The following FCER1A variants were observed in gnomAD, a reference collection of about 807,000 sequenced individuals.
FCER1A encodes the protein Fc epsilon receptor Ia.
FCER1A carries 24 observed loss-of-function variants against 23.6 expected under a neutral mutation model. The ratio of observed to expected loss-of-function variants is 1.02; its 90% CI spans 0.74 to 1.43. The LOEUF is 1.43. Among genes scored for constraint, FCER1A ranks in the 40% most tolerant of loss-of-function variants. The pLI is 0.00. For missense variants in FCER1A, 318 were observed against 294.5 expected, an observed-to-expected ratio of 1.08 and a Z score of -0.58; for synonymous variants, 121 against 108.8, an observed-to-expected ratio of 1.11 and a Z score of -0.70.
At chr1:159,288,584 T>G (rs958609017), upstream of FCER1A, among the ~76,000 whole-genome samples, 1 of 152,202 alleles carries the variant, frequency 6.6e-6, no homozygotes, top group Non-Finnish European at 1.5e-5. Context: ...TAACCTGGGT[T>G]ATCAACAGAG....
Position 159,307,828 on chromosome 1 carries a change from A to T in FCER1A, c.670A>T (p.Ile224Phe). The change falls in exon 5 of 5, where the codon ATC becomes TTC. Residue 224 changes from isoleucine (I) to phenylalanine (F), a missense_variant. Physicochemically the swap from Ile to Phe is conservative, Grantham distance 21 (BLOSUM62 0). Transcript: ENST00000693622. ...GTTTGCTGTGGACACAGGATTATTTATCTCAACTCAGCAGCAGGTCACATT... is the reference window on the plus strand; with the variant it reads ...GTTTGCTGTGGACACAGGATTATTTTTCTCAACTCAGCAGCAGGTCACATT... ...ILFAVDTGLFISTQQQVTFLL... is the reference protein window; with the variant it reads ...ILFAVDTGLFFSTQQQVTFLL... 6.2e-7 allele frequency: 1 copy of T among 1,613,382 alleles called. No homozygotes were observed. Among genetic ancestry groups the T allele is most frequent in the Non-Finnish European group, 8.5e-7 (1 of 1,179,372 alleles).
At chr1:159,301,431 A>T (rs1016157156), upstream of FCER1A, among the ~76,000 whole-genome samples, 5 of 152,186 alleles carry the variant, frequency 3.3e-5, no homozygotes, top group African/African-American at 1.2e-4. Flanking sequence ...AGAAAGGGAG[A>T]TCATGTTGGG....
intron 1 of FCER1A, among the ~76,000 whole-genome samples, chr1:159,291,793 C>T (rs1396056140): frequency 1.3e-5 from 2 of 152,112 alleles, no homozygotes; most frequent in African/African-American, 2.4e-5. Flanking sequence ...TATGCTTCCT[C>T]AATTCCTATT....
At chr1:159,300,417 C>T (rs1652401893), upstream of FCER1A, among the ~76,000 whole-genome samples, 1 of 152,104 alleles carries the variant, frequency 6.6e-6, no homozygotes, top group Non-Finnish European at 1.5e-5. Flanking sequence ...AGAATCTTTC[C>T]CCGTCTCTTC....
upstream of FCER1A, among the ~76,000 whole-genome samples, chr1:159,286,492 C>T (rs1384876290): frequency 1.3e-5 from 2 of 151,962 alleles, no homozygotes; most frequent in Non-Finnish European, 2.9e-5. Context: ...GCCACCACGC[C>T]CGGCTAATTT....
chr1:159,302,989 T>C, intron 2 of FCER1A, 115 bp downstream of exon 2: 1 of 1,005,166 alleles, frequency 9.9e-7, no homozygotes, highest in Non-Finnish European at 1.6e-6. Flanking sequence ...ATCTGTTCCT[T>C]GGCCAGACTA....
intron 1 of FCER1A, among the ~76,000 whole-genome samples, chr1:159,295,767 A>C (rs1396406774): frequency 6.6e-6 from 1 of 152,170 alleles, no homozygotes; most frequent in African/African-American, 2.4e-5. Flanking sequence ...TTTCTTCTTC[A>C]GAATTTAGCA....
At chr1:159,290,886 G>A (rs1652133229) in intron 1 of FCER1A, among the ~76,000 whole-genome samples, 2 of 151,972 alleles carry the variant, frequency 1.3e-5, no homozygotes, top group South Asian at 4.1e-4. Context: ...CTGCATTTTT[G>A]TATTCTACGC....
At chr1:159,283,596 A>T in the FCER1A span, among the ~76,000 whole-genome samples, 41 of 152,346 alleles carry the variant, frequency 2.7e-4, 2 homozygotes, top group African/African-American at 9.9e-4. Context: ...GAGTCTACTC[A>T]GAGAAAGCAG....
Position 159,307,793 on chromosome 1 carries a change from T to C in FCER1A, c.635T>C (p.Val212Ala), listed in dbSNP as rs535656043. The change falls in exon 5 of 5, where the codon GTG becomes GCG. Residue 212 changes from valine to alanine, a missense_variant. Val to Ala is a moderately conservative substitution (Grantham distance 64). Coordinates refer to ENST00000693622, the MANE Select transcript of FCER1A (RefSeq NM_001387280.1). ...YWLQFFIPLL[V>A]VILFAVDTGL... is the part of the protein sequence containing the mutation. ...CTACAATTTTTTATCCCATTGTTGG[T>C]GGTGATTCTGTTTGCTGTGGACACA... The C allele has an allele frequency of 1.9e-6, 3 of 1,612,864 alleles. No homozygotes were observed. Among genetic ancestry groups the C allele is most frequent in the Middle Eastern group, 3.3e-4 (2 of 6,062 alleles).
intron 1 of FCER1A, among the ~76,000 whole-genome samples, chr1:159,296,262 T>C (rs569789882): frequency 3.0e-4 from 46 of 152,256 alleles, no homozygotes; most frequent in Non-Finnish European, 5.7e-4. Flanking sequence ...TCAAACTGGA[T>C]CTACCTCTGC....
At chr1:159,299,105 A>G (rs1482608832), upstream of FCER1A, among the ~76,000 whole-genome samples, 1 of 152,182 alleles carries the variant, frequency 6.6e-6, no homozygotes, top group Non-Finnish European at 1.5e-5. Flanking sequence ...TGATTTCCTT[A>G]TTCTTAACTA....
chr1:159,284,061 T>C, the FCER1A span, among the ~76,000 whole-genome samples: 1 of 152,206 alleles, frequency 6.6e-6, no homozygotes, highest in Non-Finnish European at 1.5e-5. Flanking sequence ...GAATACTGGG[T>C]AAGCATACAA....
upstream of FCER1A, among the ~76,000 whole-genome samples, chr1:159,299,414 G>A (rs915140639): frequency 4.6e-5 from 7 of 152,122 alleles, no homozygotes; most frequent in African/African-American, 1.2e-4. Flanking sequence ...TGCCAGGCAC[G>A]TCCCGAAACA....
rs551494976 is a variant in FCER1A at position 159,302,900 on chromosome 1, G to C, written c.76+26G>C. The C allele has an allele frequency of 1.9e-6, 3 of 1,611,062 alleles. No individual in the cohort carries two copies. In the South Asian group the frequency reaches 3.3e-5, roughly 18 times the overall value. On this transcript the variant is annotated intron_variant, in intron 2 of 4. Transcript: ENST00000693622. ...GTGAGTCCTCTGTTCTTGTTCCCTT[G>C]GTGTTTCAACATGTCTGGGCATTGC...
At chr1:159,297,181 C>G (rs889240901) in intron 1 of FCER1A, among the ~76,000 whole-genome samples, 1 of 152,156 alleles carries the variant, frequency 6.6e-6, no homozygotes, top group Non-Finnish European at 1.5e-5. Flanking sequence ...TTCTCTGTCT[C>G]GTACCACACC....
At chr1:159,302,227 A>C (rs1652449028), upstream of FCER1A, 1 of 702,794 alleles carries the variant, frequency 1.4e-6, no homozygotes, top group African/African-American at 1.8e-5. Flanking sequence ...TCTCTAAAGA[A>C]AGAAGCAAAA....
upstream of FCER1A, among the ~76,000 whole-genome samples, chr1:159,297,419 C>G (rs1348062106): frequency 6.6e-6 from 1 of 152,214 alleles, no homozygotes; most frequent in Admixed American, 6.5e-5. Flanking sequence ...GGCTCTCTCT[C>G]TGCTGCTCTC....
upstream of FCER1A, among the ~76,000 whole-genome samples, chr1:159,286,569 T>G (rs1652025471): frequency 6.6e-6 from 1 of 152,196 alleles, no homozygotes; most frequent in Non-Finnish European, 1.5e-5. Context: ...CCTGACCTTG[T>G]GATCCGCCCG....
Sources: allele counts gnomAD v4.1 joint callset (sites outside exome capture counted in the v4.1 genomes callset), GRCh38; gene constraint gnomAD v4.1.1; transcripts MANE v1.5; gene names NCBI Gene and HGNC (gene_info 2026-07-23, HGNC 2026-07-21).